DNM3: variants seen among roughly 807,000 people sequenced by gnomAD.
DNM3 encodes dynamin-3.
Under a neutral mutation model 101.6 loss-of-function variants are expected in DNM3, and 47 were observed. That is an observed-to-expected ratio of 0.46 (90% CI 0.37 to 0.59). DNM3 has a LOEUF of 0.59. Among genes scored for constraint, DNM3 ranks in the 20% least tolerant of loss-of-function variants. The pLI, the probability that DNM3 is intolerant of heterozygous loss-of-function variation, is 0.00. For missense variants in DNM3, 849 were observed against 1,085.7 expected (o/e 0.78, Z 3.06); for synonymous variants, 385 against 387.9 (o/e 0.99, Z 0.09).
At chr1:171,871,093 T>A (rs2035235483) in intron 1 of DNM3, among the ~76,000 whole-genome samples, 1 of 152,144 alleles carries the variant, frequency 6.6e-6, no homozygotes, top group Non-Finnish European at 1.5e-5. Context: ...AATCAAAAGT[T>A]TGCAATGGAC....
intron 4 of DNM3, among the ~76,000 whole-genome samples, chr1:172,023,648 ATG>A (rs2047994252): frequency 6.6e-6 from 1 of 151,698 alleles, no homozygotes; most frequent in African/African-American, 2.4e-5. Context: ...GTGTATGTGC[ATG>A]TGTGTGTGTG....
intron 16 of DNM3, among the ~76,000 whole-genome samples, chr1:172,316,005 A>G (rs1250306222): frequency 6.6e-6 from 1 of 152,348 alleles, no homozygotes; most frequent in Non-Finnish European, 1.5e-5. Context: ...CGGGTTACCC[A>G]CAAAGGGAAG....
chr1:172,011,969 G>A (rs1256181386), intron 4 of DNM3, among the ~76,000 whole-genome samples: 2 of 151,968 alleles, frequency 1.3e-5, no homozygotes, highest in African/African-American at 2.4e-5. Context: ...CATGCAGCAG[G>A]TTTACAAAAT....
chr1:172,030,133 C>T (rs1423296103), intron 4 of DNM3, among the ~76,000 whole-genome samples: 2 of 151,938 alleles, frequency 1.3e-5, no homozygotes, highest in Non-Finnish European at 2.9e-5. Flanking sequence ...AGCTGGAGGC[C>T]TCATACTACC....
At chr1:172,078,825 C>A (rs185775501) in intron 11 of DNM3, among the ~76,000 whole-genome samples, 7 of 152,180 alleles carry the variant, frequency 4.6e-5, no homozygotes, top group Non-Finnish European at 8.8e-5. Context: ...CTGGTGGTGA[C>A]AAAATCACTC....
chr1:172,291,648 T>C (rs2148818704), intron 15 of DNM3, among the ~76,000 whole-genome samples: 1 of 152,280 alleles, frequency 6.6e-6, no homozygotes, highest in East Asian at 1.9e-4. Context: ...GTAGTAATCA[T>C]CTGGTAAAGT....
chr1:172,310,758 G>T (rs953968782), intron 16 of DNM3: 1 of 152,294 alleles, frequency 6.6e-6, no homozygotes, highest in East Asian at 1.9e-4. Context: ...AGAGGTCAGG[G>T]ACCAGGTGAT....
intron 4 of DNM3, among the ~76,000 whole-genome samples, chr1:171,998,679 T>C (rs553059071): frequency 1.7e-3 from 256 of 152,088 alleles, no homozygotes; most frequent in African/African-American, 5.8e-3. Context: ...TCAGGTGTTA[T>C]GAAGAAAAAT....
intron 14 of DNM3, among the ~76,000 whole-genome samples, chr1:172,203,978 G>A (rs1197768517): frequency 6.6e-6 from 1 of 152,094 alleles, no homozygotes; most frequent in African/African-American, 2.4e-5. Flanking sequence ...ATATTTTTAT[G>A]TAAAATGGCT....
rs141292846 is a variant in DNM3, at chr1:172,328,629, G to A, written c.1893+5289G>A. Among the ~76,000 whole-genome samples, 320 of 152,088 alleles carry A rather than the reference G, an allele frequency of 2.1e-3. 2 individuals carry two copies. The highest frequency in any genetic ancestry group is 7.5e-3 in the African/African-American group (311 of 41,490). ...CAAAGAAGGGAGCAAGAGACACCGG[G>A]GCCTACTTGAGAGTGGAGTGTGAGA... On this transcript the variant is annotated intron_variant, in intron 17 of 20. Transcript: ENST00000627582.
intron 13 of DNM3, among the ~76,000 whole-genome samples, chr1:172,104,963 T>A (rs951643252): frequency 2.0e-5 from 3 of 152,220 alleles, no homozygotes; most frequent in African/African-American, 7.2e-5. Context: ...CTCTGTTTCC[T>A]CATTTGCAAA....
At chr1:172,403,361 T>C (rs1302743970) in intron 20 of DNM3, among the ~76,000 whole-genome samples, 1 of 152,102 alleles carries the variant, frequency 6.6e-6, no homozygotes, top group Non-Finnish European at 1.5e-5. Context: ...CACAAACTGA[T>C]ACACCAAAGC....
At chr1:172,344,720 G>T (rs1573544447) in intron 17 of DNM3, among the ~76,000 whole-genome samples, 2 of 152,152 alleles carry the variant, frequency 1.3e-5, no homozygotes, top group Admixed American at 1.3e-4. Context: ...TTGCCAAATG[G>T]AATCTATGCA....
chr1:172,068,198 C>T (rs2051852456), intron 10 of DNM3, among the ~76,000 whole-genome samples: 1 of 152,028 alleles, frequency 6.6e-6, no homozygotes, highest in Non-Finnish European at 1.5e-5. Flanking sequence ...CTTGGTGGCA[C>T]GTGCCTGTAA....
At chr1:172,285,987 C>T (rs932139516) in intron 15 of DNM3, among the ~76,000 whole-genome samples, 6 of 151,806 alleles carry the variant, frequency 4.0e-5, no homozygotes, top group Non-Finnish European at 2.9e-5. Context: ...CTACGTTATG[C>T]CTTCTGGGAT....
intron 17 of DNM3, among the ~76,000 whole-genome samples, chr1:172,348,900 G>A (rs1053042593): frequency 2.1e-4 from 32 of 152,106 alleles, no homozygotes; most frequent in African/African-American, 7.5e-4. Context: ...GTTAGTAAAT[G>A]GTAAATTCAA....
chr1:171,956,308 C>T (rs967880548), intron 2 of DNM3, among the ~76,000 whole-genome samples: 3 of 152,202 alleles, frequency 2.0e-5, no homozygotes, highest in Non-Finnish European at 4.4e-5. Flanking sequence ...GGGGTACCCA[C>T]TGGATAAATA....
chr1:172,309,701 G>T (rs1400875706), intron 16 of DNM3: 1 of 152,194 alleles, frequency 6.6e-6, no homozygotes, highest in Non-Finnish European at 1.5e-5. Flanking sequence ...CATGAGTTGG[G>T]TCCTTTTTAG....
At chr1:172,302,568 C>T (rs551428229) in intron 15 of DNM3, among the ~76,000 whole-genome samples, 1 of 152,348 alleles carries the variant, frequency 6.6e-6, no homozygotes, top group South Asian at 2.1e-4. Context: ...ACTGCCTCCT[C>T]AAGTGGGTCC....
Sources: allele counts gnomAD v4.1 joint callset (sites outside exome capture counted in the v4.1 genomes callset), GRCh38; gene constraint gnomAD v4.1.1; transcripts MANE v1.5; gene names NCBI Gene and HGNC (gene_info 2026-07-23, HGNC 2026-07-21).